Variants in PCIF1 observed in about 807,000 individuals in gnomAD.
PCIF1 encodes phosphorylated CTD interacting factor 1.
A neutral mutation model predicts 86.9 loss-of-function variants in PCIF1; 12 were observed. The observed-to-expected ratio is 0.14, with a 90% CI of 0.09 to 0.22. PCIF1 has a LOEUF of 0.22. PCIF1 is among the 10% of genes least tolerant of loss of function. The pLI is 1.00. For missense variants in PCIF1, 701 were observed against 951.1 expected (o/e 0.74, Z 3.46); for synonymous variants, 397 against 372.0 (o/e 1.07, Z -0.77).
intron 1 of PCIF1, among the ~76,000 whole-genome samples, chr20:45,936,663 G>C (rs2083429272): frequency 6.6e-6 from 1 of 151,108 alleles, no homozygotes; most frequent in South Asian, 2.1e-4. Flanking sequence ...CGGCGCAGTG[G>C]CTCACACCTG....
rs1380043786 is a variant in PCIF1, at chr20:45,934,696, C to G, written c.-296C>G. 2 of 398,614 alleles carry G rather than the reference C, an allele frequency of 5.0e-6. No individual in the cohort carries two copies. Among genetic ancestry groups the G allele is most frequent in the South Asian group, 1.3e-4 (1 of 7,872 alleles). The allele number at this position is 398,614 out of a possible 1,614,324, so 24.7% of individuals were successfully genotyped here. ...CGCATGCGCAGCGCGGAGTCCCGGC[C>G]CGGGACACAAGATGGCGGCAGCGGC... On this transcript the variant is annotated 5_prime_UTR_variant, in exon 1 of 17. Transcript: ENST00000372409.
Position 45,946,287 on chromosome 20 carries a change from G to C in PCIF1, c.1516G>C (p.Gly506Arg). 1 of 1,614,158 alleles carries C rather than the reference G, an allele frequency of 6.2e-7. No individual in the cohort carries two copies. Among genetic ancestry groups the C allele is most frequent in the Non-Finnish European group, 8.5e-7 (1 of 1,180,036 alleles). Residue 506 changes from glycine (G) to arginine (R), a missense_variant, in exon 14 of 17, where the codon GGC (glycine) becomes CGC (arginine). This residue lies in a region of PCIF1 where 61 missense variants were observed against 118.5 expected (regional missense o/e 0.51). Transcript: ENST00000372409. ...HVFEALHRLF[G>R]VSFECFASPL... is the part of the protein sequence containing the mutation. ...CTTTGAGGCCCTCCACCGACTCTTT[G>C]GCGTCAGCTTCGAGTGCTTCGCCTC... is the stretch of plus-strand genomic sequence containing the variant.
rs1350625696 is a variant in PCIF1 at position 45,943,358 on chromosome 20, C to G, written c.840C>G (p.Phe280Leu). ...AACGCAGGTTATCCCGAATCAAGTT[C>G]CGGGAGGAAGCCAAGCGCCTGCTCT... ...DIPIRLSRIKFREEAKRLLFK... is the reference protein window; with the variant it reads ...DIPIRLSRIKLREEAKRLLFK... The change falls in exon 9 of 17, where the codon TTC becomes TTG. Residue 280 changes from phenylalanine (F) to leucine (L), a missense_variant. Phe to Leu is a conservative substitution (Grantham distance 22). Around this residue, in one of 7 missense-constraint regions of PCIF1, gnomAD observed 129 missense variants for 245.9 expected, o/e 0.52. Coordinates refer to ENST00000372409, the MANE Select transcript of PCIF1 (RefSeq NM_022104.4). This position sits in a 1 kb window ranked among gnomAD's most constrained non-coding sequence, Gnocchi z 5.5. The G allele has an allele frequency of 1.2e-6, 2 of 1,614,152 alleles. No individual in the cohort carries two copies. Among genetic ancestry groups the G allele is most frequent in the Non-Finnish European group, 1.7e-6 (2 of 1,180,000 alleles).
chr20:45,938,833 A>T (rs962546681), intron 2 of PCIF1, 148 bp from the exon 3 acceptor site: 1 of 1,018,496 alleles, frequency 9.8e-7, no homozygotes, highest in African/African-American at 1.6e-5. Context: ...CTTAGATCCC[A>T]GGGCTGCTGT....
At chr20:45,939,145 G>A (rs758001243) in intron 3 of PCIF1, 22 bp downstream of exon 3, 1 of 1,614,082 alleles carries the variant, frequency 6.2e-7, no homozygotes, top group Non-Finnish European at 8.5e-7. Flanking sequence ...GAGCAGTAGT[G>A]GGGTGGTGGG....
At chr20:45,940,703 C>A (rs966572237) in intron 5 of PCIF1, 91 bp downstream of exon 5, 2 of 1,568,502 alleles carry the variant, frequency 1.3e-6, no homozygotes, top group East Asian at 2.3e-5. Flanking sequence ...ATTGGCAGGC[C>A]AGCCAGGAGG....
At chr20:45,946,999 T>TTGG in intron 14 of PCIF1, 74 bp from the exon 15 acceptor site, 2 of 1,295,312 alleles carry the variant, frequency 1.5e-6, no homozygotes, top group South Asian at 2.6e-5. Context: ...CTGCCTAGGG[T>TTGG]TGGGGGGTGG....
chr20:45,934,985 G>C (rs893678103), intron 1 of PCIF1, among the ~76,000 whole-genome samples, 181 bp downstream of exon 1: 1 of 152,102 alleles, frequency 6.6e-6, no homozygotes, highest in Non-Finnish European at 1.5e-5. Context: ...AAGTGAGGGA[G>C]GTGGGCCCGG....
Position 45,944,888 on chromosome 20 carries a change from G to A in PCIF1, c.1026G>A (p.Arg342=). ...TCTAGGATCGCCTGGAGCATCTGCG[G>A]AGGCAGTGTGGCCCCCACGTCTCGG... ...EDYMDRLEHL[R]RQCGPHVSAA... The change falls in exon 11 of 17, where the codon CGG becomes CGA. Residue 342 remains arginine (R), a synonymous_variant. Transcript: ENST00000372409. 6.2e-7 allele frequency: 1 copy of A among 1,613,874 alleles called. No homozygotes were observed.
At chr20:45,936,653 C>T (rs182374352) in intron 1 of PCIF1, among the ~76,000 whole-genome samples, 101 of 151,448 alleles carry the variant, frequency 6.7e-4, no homozygotes, top group African/African-American at 2.2e-3. Flanking sequence ...TATTTGGGCC[C>T]GGCGCAGTGG....
intron 3 of PCIF1, 36 bp from the exon 4 acceptor site, chr20:45,939,179 G>T (rs1019482556): frequency 1.2e-6 from 2 of 1,613,918 alleles, no homozygotes; most frequent in African/African-American, 2.7e-5. Flanking sequence ...CCTGGGAGCA[G>T]TCCTGACCCT....
chr20:45,946,528 G>A (rs2083528559), intron 14 of PCIF1, 144 bp downstream of exon 14: 1 of 1,043,190 alleles, frequency 9.6e-7, no homozygotes, highest in Admixed American at 2.3e-5. Flanking sequence ...CCTTGGACAT[G>A]TTGCTTAACT....
intron 1 of PCIF1, among the ~76,000 whole-genome samples, 191 bp downstream of exon 1, chr20:45,934,995 G>C (rs1278699922): frequency 1.3e-5 from 2 of 152,126 alleles, no homozygotes; most frequent in South Asian, 2.1e-4. Flanking sequence ...GGTGGGCCCG[G>C]AGAGCCCCAG....
At position 45,941,092 on chromosome 20, in the gene PCIF1, C is replaced by T; in HGVS notation, c.558C>T (p.Ile186=). 1 of 1,614,232 alleles carries T rather than the reference C, an allele frequency of 6.2e-7. No homozygotes were observed. Among genetic ancestry groups the T allele is most frequent in the Non-Finnish European group, 8.5e-7 (1 of 1,180,040 alleles). ...WDLDIQTNAV[I]KHRGPSEVLP... is the part of the protein sequence containing the mutation. The stretch of plus-strand genomic sequence containing the variant: ...TGGACATCCAGACCAATGCTGTCAT[C>T]AAGCACCGGGGGCCTTCAGAGGTGC... Residue 186 remains isoleucine, a synonymous_variant, in exon 7 of 17, where the codon ATC becomes ATT. Transcript: ENST00000372409.
At chr20:45,939,484 G>A in intron 4 of PCIF1, 145 bp downstream of exon 4, 1 of 1,210,650 alleles carries the variant, frequency 8.3e-7, no homozygotes, top group Non-Finnish European at 1.1e-6. Context: ...CACAGCCCCT[G>A]CCCTCATGGA....
At chr20:45,935,323 C>T (rs2083413530) in intron 1 of PCIF1, among the ~76,000 whole-genome samples, 1 of 152,194 alleles carries the variant, frequency 6.6e-6, no homozygotes, top group South Asian at 2.1e-4. Flanking sequence ...GAGATGGTCC[C>T]GCCCCACGTG....
At position 45,941,100 on chromosome 20, in the gene PCIF1, G is replaced by A. The variant is rs1024473250; in HGVS notation, c.566G>A (p.Arg189Gln). ...CAGACCAATGCTGTCATCAAGCACC[G>A]GGGGCCTTCAGAGGTGCTGCCCCCG... ...DIQTNAVIKH[R>Q]GPSEVLPPHP... The change falls in exon 7 of 17, where the codon CGG becomes CAG. Residue 189 changes from arginine to glutamine, a missense_variant. Around this residue, in one of 7 missense-constraint regions of PCIF1, gnomAD observed 125 missense variants for 126.8 expected, o/e 0.99. Transcript: ENST00000372409. 3.1e-6 allele frequency: 5 copies of A among 1,614,186 alleles called. No individual in the cohort carries two copies. Among genetic ancestry groups the A allele is most frequent in the Non-Finnish European group, 3.4e-6 (4 of 1,180,032 alleles).
At chr20:45,939,608 C>T (rs527739135) in intron 4 of PCIF1, among the ~76,000 whole-genome samples, 75 of 152,322 alleles carry the variant, frequency 4.9e-4, no homozygotes, top group African/African-American at 1.7e-3. Flanking sequence ...TCCCTACGGT[C>T]GCAGAGCACC....
At chr20:45,936,372 G>C (rs1232698272) in intron 1 of PCIF1, among the ~76,000 whole-genome samples, 3 of 124,842 alleles carry the variant, frequency 2.4e-5, no homozygotes, top group African/African-American at 9.1e-5. Flanking sequence ...TGTATTTTTA[G>C]TAGAGACGGG....
Sources: gnomAD v4.1 joint callset for allele counts (sites outside exome capture counted in the v4.1 genomes callset) on GRCh38, gnomAD v4.1.1 for gene constraint, gnomAD v4.1.1 regional missense constraint, Gnocchi (gnomAD v3.1) non-coding constraint, MANE v1.5 for transcripts, NCBI Gene and HGNC (gene_info 2026-07-23, HGNC 2026-07-21) for gene names.